CLASP1: variants seen among roughly 807,000 people sequenced by gnomAD.
CLASP1 encodes cytoplasmic linker associated protein 1.
In CLASP1, 38 loss-of-function variants were observed where a neutral mutation model predicts 192.3. That is an observed-to-expected ratio of 0.20 (90% CI 0.15 to 0.26). CLASP1 has a LOEUF of 0.26. Ranked by LOEUF, CLASP1 falls within the 10% of genes least tolerant of loss-of-function variation. The probability of loss-of-function intolerance (pLI) is 1.00; values close to 1 mark genes in which losing one functional copy is unlikely to be tolerated. For missense variants in CLASP1, 1,433 were observed against 1,932.5 expected, an observed-to-expected ratio of 0.74 and a Z score of 4.85; for synonymous variants, 691 against 712.8, an observed-to-expected ratio of 0.97 and a Z score of 0.49.
intron 2 of CLASP1, among the ~76,000 whole-genome samples, chr2:121,594,922 G>T (rs2062948065): frequency 7.2e-6 from 1 of 139,514 alleles, no homozygotes; most frequent in South Asian, 2.2e-4. Flanking sequence ...ACTGTTTTCT[G>T]AGGTTTTCAC....
At chr2:121,409,148 ATATCT>A (rs2077329523) in intron 24 of CLASP1, 1 of 968,870 alleles carries the variant, frequency 1.0e-6, no homozygotes, top group African/African-American at 1.7e-5. Flanking sequence ...ACAGCAAAAC[ATATCT>A]TAGCAAACCA....
At chr2:121,442,919 T>C (rs189328198) in intron 19 of CLASP1, among the ~76,000 whole-genome samples, 123 of 152,340 alleles carry the variant, frequency 8.1e-4, no homozygotes, top group Admixed American at 2.7e-3. Flanking sequence ...AAAACTCGTA[T>C]TGAAAAGGCA....
At chr2:121,452,291 TG>T (rs1478314078) in intron 14 of CLASP1, among the ~76,000 whole-genome samples, 2 of 152,214 alleles carry the variant, frequency 1.3e-5, no homozygotes, top group Admixed American at 1.3e-4. Flanking sequence ...AAAAACTAAG[TG>T]CTCTCCATAT....
chr2:121,543,521 A>G (rs2095272386), intron 2 of CLASP1, among the ~76,000 whole-genome samples: 1 of 152,094 alleles, frequency 6.6e-6, no homozygotes, highest in African/African-American at 2.4e-5. Context: ...TTTCCCTGAT[A>G]TGCTTCCAAG....
intron 23 of CLASP1, 51 bp downstream of exon 23, chr2:121,418,555 TAGCAGTGTCTCGGACA>T: frequency 9.2e-7 from 1 of 1,086,474 alleles, no homozygotes; most frequent in Non-Finnish European, 1.4e-6. Context: ...TCATTCCGCC[TAGCAGTGTCTCGGACA>T]AGCAGGGAAA....
chr2:121,571,765 T>G (rs2059996123), intron 2 of CLASP1, among the ~76,000 whole-genome samples: 1 of 152,098 alleles, frequency 6.6e-6, no homozygotes, highest in Non-Finnish European at 1.5e-5. Context: ...ACCAAATCAG[T>G]GTGGCTACAG....
At chr2:121,623,486 T>C (rs1268166592) in intron 1 of CLASP1, among the ~76,000 whole-genome samples, 1 of 152,256 alleles carries the variant, frequency 6.6e-6, no homozygotes, top group Non-Finnish European at 1.5e-5. Flanking sequence ...TACTGTTCTG[T>C]AGTTTTCTTG....
chr2:121,376,294 T>C (rs1318260509), intron 34 of CLASP1, among the ~76,000 whole-genome samples: 7 of 152,036 alleles, frequency 4.6e-5, no homozygotes, highest in African/African-American at 1.5e-4. Context: ...CCTCAACAAA[T>C]GAATGCATAA....
At chr2:121,535,720 C>T (rs1409977946) in intron 2 of CLASP1, among the ~76,000 whole-genome samples, 3 of 151,510 alleles carry the variant, frequency 2.0e-5, no homozygotes, top group Non-Finnish European at 2.9e-5. Context: ...GTGATTTCGG[C>T]TCACTGCAAC....
At chr2:121,580,364 T>C (rs75208664) in intron 2 of CLASP1, among the ~76,000 whole-genome samples, 1 of 152,350 alleles carries the variant, frequency 6.6e-6, no homozygotes, top group Non-Finnish European at 1.5e-5. Flanking sequence ...AAGAAAATTT[T>C]AAAATTTCTC....
chr2:121,562,075 T>G (rs115831772), intron 2 of CLASP1, among the ~76,000 whole-genome samples: 1 of 152,240 alleles, frequency 6.6e-6, no homozygotes, highest in Non-Finnish European at 1.5e-5. Context: ...GTGGGACTAA[T>G]GTGTTCCTAC....
intron 23 of CLASP1, among the ~76,000 whole-genome samples, 32 bp downstream of exon 24, chr2:121,414,109 G>A (rs1001978663): frequency 4.6e-5 from 7 of 152,180 alleles, no homozygotes; most frequent in African/African-American, 1.7e-4. Context: ...AACATATGAA[G>A]AAGCCAAGTC....
At chr2:121,610,438 T>G (rs1172074218) in intron 1 of CLASP1, among the ~76,000 whole-genome samples, 114 of 56,562 alleles carry the variant, frequency 2.0e-3, no homozygotes, top group Admixed American at 3.1e-3. Flanking sequence ...GGAGGAGGAG[T>G]TACAGGAGGA....
intron 28 of CLASP1, among the ~76,000 whole-genome samples, chr2:121,401,021 A>G (rs548733830): frequency 7.2e-5 from 11 of 152,336 alleles, no homozygotes; most frequent in East Asian, 5.8e-4. Flanking sequence ...TTCTTTTCTC[A>G]TAACAGCCAG....
chr2:121,626,662 T>G (rs1291296571), intron 1 of CLASP1, among the ~76,000 whole-genome samples: 1 of 152,100 alleles, frequency 6.6e-6, no homozygotes, highest in Non-Finnish European at 1.5e-5. Flanking sequence ...TGGCCTCAAG[T>G]GATTCTCGCA....
chr2:121,448,658 C>T (rs1238371476), intron 17 of CLASP1, among the ~76,000 whole-genome samples: 1 of 152,206 alleles, frequency 6.6e-6, no homozygotes, highest in African/African-American at 2.4e-5. Flanking sequence ...TCTGAGAAGA[C>T]TCTGAAGCAC....
exon 40 of CLASP1, chr2:121,337,953 C>T (rs1434831712): frequency 1.4e-5 from 2 of 145,828 alleles, no homozygotes; most frequent in African/African-American, 2.7e-5. Context: ...GCCCCCCCCC[C>T]CAAAAAAACC....
chr2:121,365,310 C>A, intron 35 of CLASP1, 26 bp from the exon 37 acceptor site: 1 of 1,597,512 alleles, frequency 6.3e-7, no homozygotes, highest in Non-Finnish European at 8.5e-7. Flanking sequence ...AGACATACGT[C>A]ACCTCGTGAG....
At chr2:121,442,330 C>T (rs1452529830) in intron 19 of CLASP1, among the ~76,000 whole-genome samples, 1 of 152,024 alleles carries the variant, frequency 6.6e-6, no homozygotes, top group African/African-American at 2.4e-5. Context: ...TTTAGTTTTT[C>T]GTTCTTTACA....
Sources: gnomAD v4.1 joint callset for allele counts (sites outside exome capture counted in the v4.1 genomes callset) on GRCh38, gnomAD v4.1.1 for gene constraint, MANE v1.5 for transcripts, NCBI Gene and HGNC (gene_info 2026-07-23, HGNC 2026-07-21) for gene names.